The following LGSN variants were observed in gnomAD, a reference collection of about 807,000 sequenced individuals.
The protein encoded by LGSN is lengsin.
A neutral mutation model predicts 19.5 loss-of-function variants in LGSN; 21 were observed. The ratio of observed to expected loss-of-function variants is 1.07; its 90% CI spans 0.76 to 1.55. The LOEUF (loss-of-function observed/expected upper bound fraction) is 1.55. Among genes scored for constraint, LGSN ranks in the 40% most tolerant of loss-of-function variants. LGSN has a pLI of 0.00. For missense variants in LGSN, 673 were observed against 608.5 expected, an observed-to-expected ratio of 1.11 and a Z score of -1.12; for synonymous variants, 257 against 215.6, an observed-to-expected ratio of 1.19 and a Z score of -1.68.
At chr6:63,336,927 C>CTTT in the LGSN span, among the ~76,000 whole-genome samples, 1 of 145,356 alleles carries the variant, frequency 6.9e-6, no homozygotes, top group African/African-American at 2.6e-5. Flanking sequence ...CCTTTCTTTT[C>CTTT]TTTTCTTTTT....
At chr6:63,388,918 C>A in the LGSN span, among the ~76,000 whole-genome samples, 1 of 152,104 alleles carries the variant, frequency 6.6e-6, no homozygotes, top group East Asian at 1.9e-4. Context: ...TTGGCACAAA[C>A]CATGTACAGT....
the LGSN span, among the ~76,000 whole-genome samples, chr6:63,408,234 C>T: frequency 6.6e-6 from 1 of 151,758 alleles, no homozygotes; most frequent in Non-Finnish European, 1.5e-5. Context: ...CAATCCTAAG[C>T]CAAAAGAACA....
chr6:63,412,464 A>AAGAAAGAAGGAAAG, the LGSN span, among the ~76,000 whole-genome samples: 187 of 128,686 alleles, frequency 1.5e-3, 3 homozygotes, highest in African/African-American at 5.1e-3. Flanking sequence ...GAAAGAAAGA[A>AAGAAAGAAGGAAAG]AAAGAGAGAG....
the LGSN span, chr6:63,441,656 T>G: frequency 2.1e-6 from 1 of 472,336 alleles, no homozygotes; most frequent in Non-Finnish European, 4.1e-6. Context: ...GGAGAAAGAG[T>G]GCCAGAGAAA....
At chr6:63,527,108 C>T in the LGSN span, among the ~76,000 whole-genome samples, 1 of 151,990 alleles carries the variant, frequency 6.6e-6, no homozygotes, top group Non-Finnish European at 1.5e-5. Flanking sequence ...TATACAAATA[C>T]CTGAGCAGTC....
chr6:63,499,940 T>C, the LGSN span, among the ~76,000 whole-genome samples: 1 of 152,182 alleles, frequency 6.6e-6, no homozygotes, highest in Non-Finnish European at 1.5e-5. Context: ...CTGAGCTCCT[T>C]ATTTAACAAT....
chr6:63,331,243 T>G, the LGSN span, among the ~76,000 whole-genome samples: 1 of 152,138 alleles, frequency 6.6e-6, no homozygotes, highest in African/African-American at 2.4e-5. Context: ...TTTGCATAGT[T>G]GTGTATTCTC....
At chr6:63,548,391 G>A in the LGSN span, among the ~76,000 whole-genome samples, 5 of 152,134 alleles carry the variant, frequency 3.3e-5, no homozygotes, top group Non-Finnish European at 2.9e-5. Context: ...GGCTTAGAAC[G>A]GCACTAGGCA....
the LGSN span, among the ~76,000 whole-genome samples, chr6:63,445,422 A>G: frequency 6.6e-6 from 1 of 152,156 alleles, no homozygotes; most frequent in Admixed American, 6.5e-5. Context: ...GCTCGCGACC[A>G]GCCTGGCCAA....
At chr6:63,541,635 A>G in the LGSN span, among the ~76,000 whole-genome samples, 67 of 152,246 alleles carry the variant, frequency 4.4e-4, no homozygotes, top group Non-Finnish European at 8.8e-4. Context: ...GCATTCATCT[A>G]TCACCCCTTG....
the LGSN span, among the ~76,000 whole-genome samples, chr6:63,412,557 A>AAAGAAAGAAG: frequency 7.2e-6 from 1 of 138,192 alleles, no homozygotes; most frequent in Admixed American, 7.1e-5. Flanking sequence ...AAAGAAAGAA[A>AAAGAAAGAAG]GAAAGAAAGA....
the LGSN span, among the ~76,000 whole-genome samples, chr6:63,414,543 G>A: frequency 6.6e-6 from 1 of 152,214 alleles, no homozygotes; most frequent in Admixed American, 6.5e-5. Context: ...TATTACCAGT[G>A]TTTGCATATG....
chr6:63,529,342 C>A, the LGSN span, among the ~76,000 whole-genome samples: 2 of 150,088 alleles, frequency 1.3e-5, no homozygotes, highest in Admixed American at 6.6e-5. Flanking sequence ...TATTGCAAGA[C>A]AAATATCAGA....
At chr6:63,323,745 C>A (rs1769152265), upstream of LGSN, among the ~76,000 whole-genome samples, 1 of 150,014 alleles carries the variant, frequency 6.7e-6, no homozygotes, top group African/African-American at 2.5e-5. Context: ...AAGAGAAAAA[C>A]CACTGGAATC....
chr6:63,399,918 T>C, the LGSN span, among the ~76,000 whole-genome samples: 2 of 152,138 alleles, frequency 1.3e-5, no homozygotes, highest in Non-Finnish European at 2.9e-5. Context: ...CCAGACTGAT[T>C]GGTCTTGAGC....
chr6:63,493,223 G>T, the LGSN span, among the ~76,000 whole-genome samples: 1 of 152,058 alleles, frequency 6.6e-6, no homozygotes, highest in African/African-American at 2.4e-5. Flanking sequence ...ACCCCGGGTT[G>T]GTTTAAAACA....
At chr6:63,478,775 T>C in the LGSN span, among the ~76,000 whole-genome samples, 1 of 152,326 alleles carries the variant, frequency 6.6e-6, no homozygotes, top group Admixed American at 6.5e-5. Context: ...TGTTTATTGG[T>C]TTATGAACTA....
the LGSN span, among the ~76,000 whole-genome samples, chr6:63,355,799 C>T: frequency 6.6e-6 from 1 of 152,222 alleles, no homozygotes; most frequent in Non-Finnish European, 1.5e-5. Context: ...CTGTCTCAGC[C>T]TTCCAAGTAG....
chr6:63,319,479 T>C (rs1267961999), intron 1 of LGSN, among the ~76,000 whole-genome samples: 2 of 152,226 alleles, frequency 1.3e-5, no homozygotes, highest in Non-Finnish European at 2.9e-5. Context: ...CTATCATTAT[T>C]CATGCTGTGC....
Sources: allele counts gnomAD v4.1 joint callset (sites outside exome capture counted in the v4.1 genomes callset), GRCh38; gene constraint gnomAD v4.1.1; transcripts MANE v1.5; gene names NCBI Gene and HGNC (gene_info 2026-07-23, HGNC 2026-07-21).